The following ITGA8 variants were observed in gnomAD, a reference collection of about 807,000 sequenced individuals.
ITGA8 encodes the protein integrin subunit alpha 8, also known as integrin alpha-8.
ITGA8 carries 91 observed loss-of-function variants against 142.3 expected under a neutral mutation model. That is an observed-to-expected ratio of 0.64 (90% CI 0.54 to 0.76). ITGA8 has a LOEUF of 0.76. ITGA8 is among the 30% of genes least tolerant of loss of function. The pLI is 0.00. For missense variants in ITGA8, 1,406 were observed against 1,327.7 expected (o/e 1.06, Z -0.92); for synonymous variants, 505 against 485.2 (o/e 1.04, Z -0.54).
intron 25 of ITGA8, among the ~76,000 whole-genome samples, chr10:15,564,458 A>G (rs1245333988): frequency 1.3e-5 from 2 of 152,220 alleles, no homozygotes; most frequent in Non-Finnish European, 2.9e-5. Flanking sequence ...TGCTAGGAGA[A>G]GCTGGTGGTC....
At chr10:15,607,897 AT>A in intron 16 of ITGA8, 66 bp from the exon 17 acceptor site, 2 of 1,357,954 alleles carry the variant, frequency 1.5e-6, no homozygotes, top group Non-Finnish European at 2.1e-6. Context: ...AGAGAGATGA[AT>A]TTCTATTTCA....
intron 2 of ITGA8, among the ~76,000 whole-genome samples, chr10:15,694,335 T>C (rs12772786): frequency 7.0e-5 from 9 of 128,642 alleles, no homozygotes; most frequent in East Asian, 2.1e-4. Flanking sequence ...TAATATATCA[T>C]ATATCAGATA....
intron 11 of ITGA8, 54 bp downstream of exon 11, chr10:15,655,300 C>T: frequency 4.3e-6 from 5 of 1,155,172 alleles, no homozygotes; most frequent in Non-Finnish European, 6.4e-6. Flanking sequence ...AAAAACATAA[C>T]ATCTTTATGG....
At chr10:15,540,249 C>T (rs964574474) in intron 27 of ITGA8, among the ~76,000 whole-genome samples, 8 of 152,066 alleles carry the variant, frequency 5.3e-5, no homozygotes, top group Non-Finnish European at 7.4e-5. Flanking sequence ...TCCTTCTGAC[C>T]GTATTTTTGT....
At chr10:15,606,124 C>A (rs1331018344) in intron 18 of ITGA8, among the ~76,000 whole-genome samples, 161 bp downstream of exon 18, 1 of 152,146 alleles carries the variant, frequency 6.6e-6, no homozygotes, top group Non-Finnish European at 1.5e-5. Context: ...AAAACACAAT[C>A]ATGCAGTGTT....
Position 15,514,557 on chromosome 10 carries a change from C to G in ITGA8, c.*2601G>C, listed in dbSNP as rs550448942. On this transcript the variant is annotated 3_prime_UTR_variant, in exon 30 of 30. Transcript: ENST00000378076. ...AGCTGGGATTACAGGAGACTGCCAC[C>G]ACGCCCAGCTAATTTTTGTATTTTT... The G allele has an allele frequency of 6.6e-5, 10 of 152,296 alleles. No individual in the cohort carries two copies. The highest frequency in any genetic ancestry group is 2.4e-4 in the African/African-American group (10 of 41,528). 9.4% of individuals were successfully genotyped at this position (152,296 alleles called of 1,614,324 possible). A position where few individuals can be genotyped will look rare whatever the true frequency, so the allele number is the denominator to read the frequency against.
intron 26 of ITGA8, among the ~76,000 whole-genome samples, chr10:15,556,018 C>CTT (rs869241754): frequency 0.48 from 25,508 of 53,230 alleles, 10,457 homozygotes; most frequent in Non-Finnish European, 0.6. Context: ...CTCTCTCTCT[C>CTT]TTTTTTTTTT....
intron 4 of ITGA8, among the ~76,000 whole-genome samples, chr10:15,682,585 C>T (rs756334244): frequency 2.6e-5 from 4 of 152,014 alleles, no homozygotes; most frequent in East Asian, 1.9e-4. Flanking sequence ...CCAGGTGTGG[C>T]GGCGCACGAC....
At position 15,718,747 on chromosome 10, in the gene ITGA8, A is replaced by G. The variant is rs760580976; in HGVS notation, c.343+19T>C. 1.2e-6 allele frequency: 2 copies of G among 1,612,972 alleles called. No individual in the cohort carries two copies. Among genetic ancestry groups the G allele is most frequent in the African/African-American group, 2.7e-5 (2 of 75,018 alleles). ...TTCCAAACCCAGGCCCACAGCTTAG[A>G]AGGACAAATCTCACTTACTGGTGGT... On this transcript the variant is annotated intron_variant, in intron 2 of 29. Coordinates refer to ENST00000378076, the MANE Select transcript of ITGA8 (RefSeq NM_003638.3).
rs1282022477 is a variant in ITGA8 at position 15,531,135 on chromosome 10, T to TA, written c.2896dup (p.Tyr966LeufsTer10). 3 of 1,518,338 alleles carry TA rather than the reference T, an allele frequency of 2.0e-6. No homozygotes were observed. In the African/African-American group the frequency reaches 4.3e-5, roughly 22 times the overall value. 94.1% of individuals were successfully genotyped at this position (1,518,338 alleles called of 1,614,324 possible). A position where few individuals can be genotyped will look rare whatever the true frequency, so the allele number is the denominator to read the frequency against. On this transcript the variant is annotated frameshift_variant, in exon 28 of 30. Transcript: ENST00000378076. LOFTEE classifies it high-confidence loss of function. ...AAAGGACACCAGGGATGCAAGAGCA[T>TA]AGGGATCATTTTTTCTCTGAAAGTA...
intron 26 of ITGA8, among the ~76,000 whole-genome samples, chr10:15,550,586 G>C (rs1383013461): frequency 6.6e-6 from 1 of 152,202 alleles, no homozygotes; most frequent in Non-Finnish European, 1.5e-5. Flanking sequence ...TCACCTAGCA[G>C]AATGGGAGAC....
chr10:15,577,120 T>C (rs1834314028), intron 23 of ITGA8, among the ~76,000 whole-genome samples: 1 of 152,158 alleles, frequency 6.6e-6, no homozygotes, highest in African/African-American at 2.4e-5. Context: ...TCACTATCCA[T>C]TGTCCATTGT....
At chr10:15,583,325 G>A (rs1834447993) in intron 23 of ITGA8, among the ~76,000 whole-genome samples, 1 of 152,036 alleles carries the variant, frequency 6.6e-6, no homozygotes, top group South Asian at 2.1e-4. Context: ...AGAGCACGTG[G>A]ACAACAGGGA....
At chr10:15,652,535 C>T (rs904347967) in intron 11 of ITGA8, among the ~76,000 whole-genome samples, 1 of 151,402 alleles carries the variant, frequency 6.6e-6, no homozygotes, top group Admixed American at 6.6e-5. Flanking sequence ...GGACGGCATG[C>T]TATGTCTGGC....
At chr10:15,608,182 C>T (rs1815258915) in intron 16 of ITGA8, 53 bp downstream of exon 16, 2 of 1,230,904 alleles carry the variant, frequency 1.6e-6, no homozygotes, top group Non-Finnish European at 2.4e-6. Context: ...GAAATGGTTA[C>T]TGTTCAACTT....
intron 13 of ITGA8, among the ~76,000 whole-genome samples, chr10:15,637,582 G>A (rs952360501): frequency 2.7e-4 from 40 of 149,052 alleles, no homozygotes; most frequent in African/African-American, 1.0e-3. Flanking sequence ...TGAGATCTTA[G>A]CTCACTATAG....
At chr10:15,704,150 C>T (rs1835216082) in intron 2 of ITGA8, among the ~76,000 whole-genome samples, 1 of 152,172 alleles carries the variant, frequency 6.6e-6, no homozygotes, top group Non-Finnish European at 1.5e-5. Context: ...TTTGTTATCT[C>T]CCAAATCCAT....
chr10:15,607,789 C>T lies in ITGA8; in HGVS notation c.1652G>A (p.Gly551Glu). The change falls in exon 17 of 30, where the codon GGA becomes GAA. Residue 551 changes from glycine (G) to glutamate (E), a missense_variant. Coordinates refer to ENST00000378076, the MANE Select transcript of ITGA8 (RefSeq NM_003638.3). ...EVQLDSLKQKGAIKRTLFLDN... is the reference protein window; with the variant it reads ...EVQLDSLKQKEAIKRTLFLDN... ...AAGGAAGAGCGTCCGTTTAATAGCT[C>T]CTTTCTGTTTCAGGGAATCTAATTG... 5 of 1,611,432 alleles carry T rather than the reference C, an allele frequency of 3.1e-6. No homozygotes were observed. Among genetic ancestry groups the T allele is most frequent in the Non-Finnish European group, 4.2e-6 (5 of 1,178,728 alleles).
intron 17 of ITGA8, 143 bp from the exon 18 acceptor site, chr10:15,606,565 C>A: frequency 1.4e-6 from 1 of 733,852 alleles, no homozygotes. Flanking sequence ...TAGATGGAGG[C>A]TGATTTATGT....
Sources: gnomAD v4.1 joint callset for allele counts (sites outside exome capture counted in the v4.1 genomes callset) on GRCh38, gnomAD v4.1.1 for gene constraint, MANE v1.5 for transcripts, NCBI Gene and HGNC (gene_info 2026-07-23, HGNC 2026-07-21) for gene names.